NAT1: variants seen among roughly 807,000 people sequenced by gnomAD.
NAT1 encodes the protein N-acetyltransferase 1.
For synonymous variants in NAT1, 144 were observed against 122.6 expected (o/e 1.17, Z -1.16); for missense variants, 400 against 339.2 (o/e 1.18, Z -1.41).
intron 2 of NAT1, among the ~76,000 whole-genome samples, chr8:18,196,758 T>C (rs907783562): frequency 1.3e-5 from 2 of 152,244 alleles, no homozygotes; most frequent in Admixed American, 1.3e-4. Context: ...CTGACTGTCC[T>C]AGCTTTTTAT....
chr8:18,208,138 G>T (rs1803808273), upstream of NAT1, among the ~76,000 whole-genome samples: 2 of 151,976 alleles, frequency 1.3e-5, no homozygotes, highest in African/African-American at 4.8e-5. Flanking sequence ...GGGGGTATGG[G>T]GAGGGAGCGC....
At chr8:18,198,004 CT>C (rs1803306503) in intron 2 of NAT1, among the ~76,000 whole-genome samples, 1 of 151,178 alleles carries the variant, frequency 6.6e-6, no homozygotes, top group South Asian at 2.1e-4. Context: ...AAAGAATATA[CT>C]TACTAAAATT....
At chr8:18,186,835 G>T (rs902685621) in intron 2 of NAT1, among the ~76,000 whole-genome samples, 3 of 152,108 alleles carry the variant, frequency 2.0e-5, no homozygotes, top group African/African-American at 7.2e-5. Flanking sequence ...CACAGCAAAA[G>T]AAACTATCAA....
At chr8:18,171,428 A>T (rs1233248776) in intron 2 of NAT1, among the ~76,000 whole-genome samples, 1 of 152,208 alleles carries the variant, frequency 6.6e-6, no homozygotes, top group Non-Finnish European at 1.5e-5. Context: ...AAGCTTAAGC[A>T]ACAGACTAAG....
intron 2 of NAT1, among the ~76,000 whole-genome samples, chr8:18,203,589 G>A (rs918670299): frequency 7.9e-5 from 12 of 152,188 alleles, no homozygotes; most frequent in Admixed American, 2.0e-4. Context: ...GACATTTGTG[G>A]AGTTCTCACT....
chr8:18,222,504 A>G lies in NAT1; in HGVS notation c.457A>G (p.Thr153Ala), dbSNP rs1392495324. The change falls in exon 3 of 3, where the codon ACG (threonine) becomes GCG (alanine). Residue 153 changes from threonine to alanine, a missense_variant. Physicochemically the swap from Thr to Ala is moderately conservative, Grantham distance 58. Transcript: ENST00000307719. ...TCAGGTGCCTTGTGTCTTCCGTTTG[A>G]CGGAAGAGAATGGATTCTGGTATCT... ...QPQVPCVFRL[T>A]EENGFWYLDQ... is the part of the protein sequence containing the mutation. 3.7e-6 allele frequency: 6 copies of G among 1,614,076 alleles called. No homozygotes were observed. Among genetic ancestry groups the G allele is most frequent in the Non-Finnish European group, 5.1e-6 (6 of 1,180,002 alleles).
At chr8:18,200,504 A>G (rs754489234) in intron 2 of NAT1, among the ~76,000 whole-genome samples, 1 of 152,100 alleles carries the variant, frequency 6.6e-6, no homozygotes, top group Admixed American at 6.6e-5. Context: ...TGGACACATA[A>G]AAGGGAACAA....
chr8:18,180,528 G>A (rs961027043), intron 2 of NAT1, among the ~76,000 whole-genome samples: 5 of 152,056 alleles, frequency 3.3e-5, no homozygotes, highest in East Asian at 1.9e-4. Flanking sequence ...TTCTTGTAGT[G>A]TCCTTATTTG....
Position 18,210,147 on chromosome 8 carries a change from A to G in NAT1, c.-119A>G, listed in dbSNP as rs1348765008. On this transcript the variant is annotated 5_prime_UTR_variant, in exon 1 of 3. Transcript: ENST00000307719. ...CCTTGGATGTGGGAGGATTGCATTC[A>G]GTCTAGTTCCTGGTTGCCGGCTGAA... The G allele has an allele frequency of 6.6e-6, 1 of 152,230 alleles. No individual in the cohort carries two copies. Among genetic ancestry groups the G allele is most frequent in the Admixed American group, 6.5e-5 (1 of 15,280 alleles). 9.4% of individuals were successfully genotyped at this position (152,230 alleles called of 1,614,324 possible).
chr8:18,206,520 A>T (rs931803096), upstream of NAT1, among the ~76,000 whole-genome samples: 1 of 152,224 alleles, frequency 6.6e-6, no homozygotes, highest in Non-Finnish European at 1.5e-5. Context: ...TCTATTGAAT[A>T]CAGGACTGTA....
rs1805060216 is a variant in NAT1 at position 18,219,473 on chromosome 8, T to C, written c.-23T>C. ...ATTAAAACTGAAGATCAACCTACTT[T>C]CAACTTACTAAGAAAGGTATTAAGC... On this transcript the variant is annotated 5_prime_UTR_variant, in exon 2 of 3. Coordinates refer to ENST00000307719, the MANE Select transcript of NAT1 (RefSeq NM_000662.8). 6.5e-7 allele frequency: 1 copy of C among 1,549,752 alleles called. No homozygotes were observed. The highest frequency in any genetic ancestry group is 8.7e-7 in the Non-Finnish European group (1 of 1,145,858).
Position 18,210,148 on chromosome 8 carries a change from G to T in NAT1, c.-118G>T, listed in dbSNP as rs927100356. On this transcript the variant is annotated 5_prime_UTR_variant, in exon 1 of 3. Transcript: ENST00000307719. ...CTTGGATGTGGGAGGATTGCATTCA[G>T]TCTAGTTCCTGGTTGCCGGCTGAAA... 1 of 152,258 alleles carries T rather than the reference G, an allele frequency of 6.6e-6. No individual in the cohort carries two copies. Among genetic ancestry groups the T allele is most frequent in the Admixed American group, 6.5e-5 (1 of 15,282 alleles). The allele number at this position is 152,258 out of a possible 1,614,324, so 9.4% of individuals were successfully genotyped here.
At position 18,222,022 on chromosome 8, in the gene NAT1, G is replaced by C. The variant is rs199497869; in HGVS notation, c.-6-20G>C. Reference sequence around the variant, plus strand: ...TGTAAAAGTAAAATGATTTGCTTTCGTTTTGTTTTCCTTGCTTAGGGGATC... The same window carrying C: ...TGTAAAAGTAAAATGATTTGCTTTCCTTTTGTTTTCCTTGCTTAGGGGATC... On this transcript the variant is annotated intron_variant, in intron 2 of 2. Coordinates refer to ENST00000307719, the MANE Select transcript of NAT1 (RefSeq NM_000662.8). 3.2e-6 allele frequency: 5 copies of C among 1,579,856 alleles called. No individual in the cohort carries two copies. Among genetic ancestry groups the C allele is most frequent in the Non-Finnish European group, 4.3e-6 (5 of 1,163,628 alleles).
chr8:18,216,377 G>A (rs1214650467), intron 1 of NAT1, among the ~76,000 whole-genome samples: 2 of 152,134 alleles, frequency 1.3e-5, no homozygotes, highest in Non-Finnish European at 2.9e-5. Flanking sequence ...AAAGCTTAGC[G>A]GCTGTCAGTG....
intron 2 of NAT1, among the ~76,000 whole-genome samples, chr8:18,187,772 G>C (rs954827594): frequency 6.6e-6 from 1 of 152,034 alleles, no homozygotes; most frequent in East Asian, 1.9e-4. Flanking sequence ...TATTACCCGG[G>C]TGATGAAATA....
At chr8:18,188,098 A>C (rs1015197033) in intron 2 of NAT1, among the ~76,000 whole-genome samples, 1 of 152,162 alleles carries the variant, frequency 6.6e-6, no homozygotes, top group Admixed American at 6.5e-5. Flanking sequence ...TCTAGAAATT[A>C]ATATACTTTT....
At chr8:18,211,787 G>A (rs549430307) in intron 1 of NAT1, among the ~76,000 whole-genome samples, 1 of 149,232 alleles carries the variant, frequency 6.7e-6, no homozygotes, top group South Asian at 2.2e-4. Context: ...CATGGTGGTA[G>A]AGGCAAAAGA....
chr8:18,207,425 G>A (rs1282667707), upstream of NAT1, among the ~76,000 whole-genome samples: 6 of 151,900 alleles, frequency 3.9e-5, no homozygotes, highest in African/African-American at 1.5e-4. Context: ...ATGTCAGTAT[G>A]TCAGTGGTAG....
In NAT1 at chr8:18,217,781, A is replaced by G. The variant is rs28359506; in HGVS notation, c.-85-1630A>G. ...ATTGTTTATTGCCCTCAAGTCCTGC[A>G]CAAATCTCCATTTTCTCCTGCTTTG... On this transcript the variant is annotated intron_variant, in intron 1 of 2. Coordinates refer to ENST00000307719, the MANE Select transcript of NAT1 (RefSeq NM_000662.8). 7.1e-3 allele frequency among the ~76,000 whole-genome samples: 1,085 copies of G among 152,270 alleles called. 10 individuals carry two copies. The highest frequency in any genetic ancestry group is 0.024 in the African/African-American group (995 of 41,542).
Sources: allele counts gnomAD v4.1 joint callset (sites outside exome capture counted in the v4.1 genomes callset), GRCh38; gene constraint gnomAD v4.1.1; transcripts MANE v1.5; gene names NCBI Gene and HGNC (gene_info 2026-07-23, HGNC 2026-07-21).